Variants in FAT1 observed in about 807,000 individuals in gnomAD.
FAT1 encodes protocadherin Fat 1.
Under a neutral mutation model 329.8 loss-of-function variants are expected in FAT1, and 171 were observed. The observed-to-expected ratio is 0.52, with a 90% CI of 0.46 to 0.59. FAT1 has a LOEUF of 0.59. Ranked by LOEUF, FAT1 falls within the 20% of genes least tolerant of loss-of-function variation. FAT1 has a pLI of 0.00. For missense variants in FAT1, 5,672 were observed against 5,774.4 expected (o/e 0.98, Z 0.57); for synonymous variants, 2,233 against 2,228.6 (o/e 1.00, Z -0.06).
At chr4:186,704,088 G>A (rs140127857) in intron 2 of FAT1, among the ~76,000 whole-genome samples, 6 of 152,210 alleles carry the variant, frequency 3.9e-5, no homozygotes, top group Admixed American at 2.6e-4. Flanking sequence ...GCATATAAAC[G>A]TAAGTCTACT....
rs1307259335 is a variant in FAT1, at chr4:186,590,335, A to G, written c.13139-1115T>C. On this transcript the variant is annotated intron_variant, in intron 26 of 26. Coordinates refer to ENST00000441802, the MANE Select transcript of FAT1 (RefSeq NM_005245.4). ...AAGGCTTGACCCATTGTTTTTAGTG[A>G]GTATCAATGAATAACTGGCATGCAT... 3 of 1,272,250 alleles carry G rather than the reference A, an allele frequency of 2.4e-6. No individual in the cohort carries two copies. The South Asian group carries it at 3.7e-5, about 16-fold the overall frequency. The allele number at this position is 1,272,250 out of a possible 1,614,324, so 78.8% of individuals were successfully genotyped here. A position where few individuals can be genotyped will look rare whatever the true frequency, so the allele number is the denominator to read the frequency against.
chr4:186,614,641 T>C (rs1385964612), intron 11 of FAT1, among the ~76,000 whole-genome samples: 2 of 152,218 alleles, frequency 1.3e-5, no homozygotes, highest in African/African-American at 2.4e-5. Flanking sequence ...CAAATCCTTA[T>C]GAGAAAACGT....
At chr4:186,634,388 A>C (rs72716270) in intron 6 of FAT1, among the ~76,000 whole-genome samples, 35,297 of 152,138 alleles carry the variant, frequency 0.23, 4,531 homozygotes, top group Non-Finnish European at 0.29. Context: ...ATATTATCCA[A>C]ATATTTTTGA....
chr4:186,597,226 T>C (rs2126396766), intron 24 of FAT1, 55 bp from the exon 25 acceptor site: 1 of 1,473,996 alleles, frequency 6.8e-7, no homozygotes, highest in South Asian at 1.4e-5. Flanking sequence ...CCAGCGTATG[T>C]CAGGCTCAAT....
At chr4:186,643,302 C>T (rs573749453) in intron 3 of FAT1, among the ~76,000 whole-genome samples, 2 of 152,270 alleles carry the variant, frequency 1.3e-5, no homozygotes, top group East Asian at 3.9e-4. Flanking sequence ...CTGCAAGAAA[C>T]CCTGCAGGGT....
chr4:186,595,698 C>T lies in FAT1; in HGVS notation c.13129G>A (p.Asp4377Asn), dbSNP rs776855582. The T allele has an allele frequency of 3.7e-6, 6 of 1,613,920 alleles. No homozygotes were observed. Among genetic ancestry groups the T allele is most frequent in the African/African-American group, 2.7e-5 (2 of 75,060 alleles). ...CACACTGCTGCCTCACCATTGTCAT[C>T]GCACGATTCGGACTGGAAGGAGCTC... ...SLSSFQSESC[D>N]DNGYHWDTSD... is the part of the protein sequence containing the mutation. Residue 4377 changes from aspartate to asparagine, a missense_variant, in exon 26 of 27, where the codon GAT becomes AAT. By Grantham distance (23) the Asp-to-Asn change is conservative (BLOSUM62 1). This residue lies in a region of FAT1 where 1,706 missense variants were observed against 1,859.1 expected (regional missense o/e 0.92). Transcript: ENST00000441802.
chr4:186,714,237 G>T (rs1276162803), intron 1 of FAT1, among the ~76,000 whole-genome samples: 5 of 150,600 alleles, frequency 3.3e-5, no homozygotes, highest in Non-Finnish European at 7.4e-5. Context: ...GGGGTGGGGG[G>T]CAGATTGTGA....
chr4:186,619,480 G>A lies in FAT1; in HGVS notation c.7106C>T (p.Thr2369Met), dbSNP rs201741692. Reference sequence around the variant, plus strand: ...CGTGACAATCACATCACTGCTCAGCGTGGGCATACCACCATCAACTGCCCT... The same window carrying A: ...CGTGACAATCACATCACTGCTCAGCATGGGCATACCACCATCAACTGCCCT... Reference protein sequence around the residue: ...FVRAVDGGMPTLSSDVIVTVD... With the variant: ...FVRAVDGGMPMLSSDVIVTVD... Residue 2369 changes from threonine (T) to methionine (M), a missense_variant, in exon 10 of 27, where the codon ACG (threonine) becomes ATG (methionine). Around this residue, in one of 2 missense-constraint regions of FAT1, gnomAD observed 3,966 missense variants for 3,915.2 expected, o/e 1.01. Coordinates refer to ENST00000441802, the MANE Select transcript of FAT1 (RefSeq NM_005245.4). The A allele has an allele frequency of 1.4e-4, 233 of 1,613,958 alleles. 3 individuals are homozygous for A. In the East Asian group the frequency reaches 4.9e-3, roughly 34 times the overall value.
At position 186,611,594 on chromosome 4, in the gene FAT1, A is replaced by T. The variant is rs2126468561; in HGVS notation, c.9645T>A (p.Thr3215=). The T allele has an allele frequency of 6.2e-7, 1 of 1,613,848 alleles. No homozygotes were observed. Among genetic ancestry groups the T allele is most frequent in the Non-Finnish European group, 8.5e-7 (1 of 1,179,790 alleles). The part of the protein sequence containing the change: ...GLPRRLTATG[T]VIVSVLDIND... ...TTATGTCAAGAACTGATACAATCACAGTGCCAGTGGCAGTCAGCCTCCTTG... is the reference window on the plus strand; with the variant it reads ...TTATGTCAAGAACTGATACAATCACTGTGCCAGTGGCAGTCAGCCTCCTTG... Residue 3215 remains threonine (T), a synonymous_variant, in exon 14 of 27, where the codon ACT becomes ACA. Transcript: ENST00000441802.
chr4:186,663,103 T>C (rs577325187), intron 3 of FAT1, among the ~76,000 whole-genome samples, 196 bp downstream of exon 3: 1 of 152,360 alleles, frequency 6.6e-6, no homozygotes, highest in Non-Finnish European at 1.5e-5. Context: ...CCCAAAGTGC[T>C]GGGATTACAG....
In FAT1 at chr4:186,620,785, C is replaced by T. The variant is rs1373349051; in HGVS notation, c.5801G>A (p.Gly1934Asp). 2 of 1,613,990 alleles carry T rather than the reference C, an allele frequency of 1.2e-6. No homozygotes were observed. ...GEKFSMDYKT[G>D]ALTVQNTTQL... ...AGTTGTGTTTTGGACAGTGAGAGCA[C>T]CAGTCTTGTAGTCCATAGAAAACTT... The change falls in exon 10 of 27, where the codon GGT becomes GAT. Residue 1934 changes from glycine to aspartate, a missense_variant. Around this residue, in one of 2 missense-constraint regions of FAT1, gnomAD observed 3,966 missense variants for 3,915.2 expected, o/e 1.01. Coordinates refer to ENST00000441802, the MANE Select transcript of FAT1 (RefSeq NM_005245.4).
intron 4 of FAT1, among the ~76,000 whole-genome samples, chr4:186,639,067 G>A (rs1214848880): frequency 6.6e-6 from 1 of 152,152 alleles, no homozygotes; most frequent in East Asian, 1.9e-4. Context: ...AAAACCAGGT[G>A]ACCAATACAT....
At chr4:186,689,677 C>T (rs1216645269) in intron 2 of FAT1, among the ~76,000 whole-genome samples, 1 of 152,198 alleles carries the variant, frequency 6.6e-6, no homozygotes, top group Non-Finnish European at 1.5e-5. Context: ...TTAACATCCT[C>T]ATTGAATGTC....
At chr4:186,638,718 T>A (rs544888917) in intron 4 of FAT1, among the ~76,000 whole-genome samples, 1 of 152,070 alleles carries the variant, frequency 6.6e-6, no homozygotes, top group South Asian at 2.1e-4. Context: ...TAAAATGAAA[T>A]TAAGCAGGCA....
intron 2 of FAT1, among the ~76,000 whole-genome samples, chr4:186,672,996 T>C (rs1347343313): frequency 6.6e-6 from 1 of 152,192 alleles, no homozygotes; most frequent in Non-Finnish European, 1.5e-5. Context: ...TGATGGTACA[T>C]ACACAGCTTC....
At chr4:186,629,636 C>T (rs919366253) in intron 7 of FAT1, among the ~76,000 whole-genome samples, 2 of 152,202 alleles carry the variant, frequency 1.3e-5, no homozygotes, top group African/African-American at 4.8e-5. Flanking sequence ...GTCCAAGCAG[C>T]ACAGGGGGCC....
chr4:186,705,935 C>G (rs1744565045), intron 2 of FAT1, among the ~76,000 whole-genome samples: 2 of 152,168 alleles, frequency 1.3e-5, no homozygotes, highest in African/African-American at 4.8e-5. Context: ...AAAGTTAGTT[C>G]TAAGAAGTCA....
intron 22 of FAT1, 148 bp downstream of exon 22, chr4:186,599,750 A>G (rs1738705844): frequency 3.0e-6 from 2 of 665,194 alleles, no homozygotes; most frequent in Admixed American, 3.0e-5. Flanking sequence ...CCCCCGTATG[A>G]GGGATGCTGC....
In FAT1 at chr4:186,609,236, T is replaced by A. The variant is rs200941677; in HGVS notation, c.10153A>T (p.Ile3385Phe). ...IDGNQGSSFTIDPVRGEVKVT... is the reference protein window; with the variant it reads ...IDGNQGSSFTFDPVRGEVKVT... Reference sequence around the variant, plus strand: ...TTGACTTCTCCCCTGACGGGGTCAATTGTGAACGAGCTTCCTTGGTTGCCA... The same window carrying A: ...TTGACTTCTCCCCTGACGGGGTCAAATGTGAACGAGCTTCCTTGGTTGCCA... Residue 3385 changes from isoleucine to phenylalanine, a missense_variant, in exon 16 of 27, where the codon ATT becomes TTT. Transcript: ENST00000441802. The A allele has an allele frequency of 6.2e-7, 1 of 1,614,054 alleles. No individual in the cohort carries two copies. The highest frequency in any genetic ancestry group is 1.1e-5 in the South Asian group (1 of 91,078).
Sources: allele counts gnomAD v4.1 joint callset (sites outside exome capture counted in the v4.1 genomes callset), GRCh38; gene constraint gnomAD v4.1.1; regional missense constraint gnomAD v4.1.1; transcripts MANE v1.5; gene names NCBI Gene and HGNC (gene_info 2026-07-23, HGNC 2026-07-21).